Variants in DMD observed in about 807,000 individuals in gnomAD.
DMD encodes dystrophin, also known as mutant dystrophin.
Under a neutral mutation model 330.1 loss-of-function variants are expected in DMD, and 63 were observed. The ratio of observed to expected loss-of-function variants is 0.19; its 90% CI spans 0.16 to 0.24. The LOEUF (loss-of-function observed/expected upper bound fraction) is 0.24, where lower values mean the gene tolerates loss of function less well. Among genes scored for constraint, DMD ranks in the 10% least tolerant of loss-of-function variants. The pLI is 1.00. For missense variants in DMD, 3,344 were observed against 2,684.1 expected (o/e 1.25, Z -5.43); for synonymous variants, 1,223 against 959.8 (o/e 1.27, Z -5.07).
At chrX:32,960,292 G>C (rs2091830774) in intron 2 of DMD, 1 of 110,756 alleles carries the variant, frequency 9.0e-6, no homozygotes, top group African/African-American at 3.3e-5. Flanking sequence ...CCAAACTTTA[G>C]CTAGGCTCCT....
intron 44 of DMD, among the ~76,000 whole-genome samples, chrX:32,064,675 G>T (rs754072444): frequency 9.0e-6 from 1 of 110,728 alleles, no homozygotes; most frequent in Non-Finnish European, 1.9e-5. Flanking sequence ...GTGTCTGTCT[G>T]TATGCATGCA....
chrX:32,484,879 T>G (rs2042259535), intron 21 of DMD, 40 bp downstream of exon 21: 1 of 1,180,704 alleles, frequency 8.5e-7, no homozygotes, highest in African/African-American at 1.8e-5. Flanking sequence ...ATAACCATTT[T>G]GGAAAATGTC....
chrX:33,008,639 G>A (rs17341184), intron 2 of DMD, among the ~76,000 whole-genome samples: 40,982 of 107,595 alleles, frequency 0.38, 6,228 homozygotes, highest in East Asian at 0.48. Context: ...ATGCCACAAC[G>A]AACTGTTTTT....
At chrX:32,515,645 G>T (rs1038054886) in intron 18 of DMD, among the ~76,000 whole-genome samples, 3 of 112,004 alleles carry the variant, frequency 2.7e-5, no homozygotes, top group Non-Finnish European at 5.6e-5. Context: ...AGTCTGAACT[G>T]CAGTGATACT....
chrX:32,455,827 G>C (rs980482294), intron 25 of DMD, among the ~76,000 whole-genome samples: 1 of 111,244 alleles, frequency 9.0e-6, no homozygotes, highest in Non-Finnish European at 1.9e-5. Flanking sequence ...AAAAGAGTCT[G>C]TCTGTGGTTA....
intron 1 of DMD, among the ~76,000 whole-genome samples, chrX:33,115,980 G>T (rs948619008): frequency 1.6e-4 from 18 of 109,381 alleles, no homozygotes; most frequent in Non-Finnish European, 3.4e-4. Flanking sequence ...GATCACCTGA[G>T]GTCAGCAGTT....
chrX:32,597,447 T>G (rs2055686736), intron 12 of DMD, among the ~76,000 whole-genome samples: 1 of 110,915 alleles, frequency 9.0e-6, no homozygotes, highest in African/African-American at 3.3e-5. Flanking sequence ...CACAGATGAG[T>G]TTGTTCCTTC....
At chrX:32,164,740 C>T (rs2096861722) in intron 44 of DMD, among the ~76,000 whole-genome samples, 1 of 111,010 alleles carries the variant, frequency 9.0e-6, no homozygotes, top group African/African-American at 3.3e-5. Flanking sequence ...CATTGCGGCT[C>T]CTCCCATCAC....
At position 32,172,230 on chromosome X, in the gene DMD, C is replaced by T. The variant is rs187122843; in HGVS notation, c.6438+44686G>A. On this transcript the variant is annotated intron_variant, in intron 44 of 78. Coordinates refer to ENST00000357033, the MANE Select transcript of DMD (RefSeq NM_004006.3). Reference sequence around the variant, plus strand: ...CTTTGTTCATTCTAAACTTAATAATCCTTTACTAATTCAGCAAAGTCTTAT... The same window carrying T: ...CTTTGTTCATTCTAAACTTAATAATTCTTTACTAATTCAGCAAAGTCTTAT... Among the ~76,000 whole-genome samples the T allele has an allele frequency of 2.3e-3, 256 of 111,561 alleles. 1 individual carries two copies. The highest frequency in any genetic ancestry group is 4.3e-3 in the Non-Finnish European group (230 of 53,077).
chrX:32,928,031 T>C (rs1381865085), intron 2 of DMD, among the ~76,000 whole-genome samples: 2 of 111,161 alleles, frequency 1.8e-5, no homozygotes, highest in African/African-American at 6.5e-5. Flanking sequence ...ATCAATTGTA[T>C]GCATGATTTT....
At chrX:32,584,684 T>A (rs949527531) in intron 13 of DMD, among the ~76,000 whole-genome samples, 4 of 112,119 alleles carry the variant, frequency 3.6e-5, no homozygotes, top group African/African-American at 1.3e-4. Context: ...ATATAAAAGT[T>A]TCATTTACAT....
Position 32,573,626 on chromosome X carries a change from A to T in DMD, c.1716T>A (p.Ser572Arg), listed in dbSNP as rs1259478321. 6 of 1,208,002 alleles carry T rather than the reference A, an allele frequency of 5.0e-6. No homozygotes were observed. Among genetic ancestry groups the T allele is most frequent in the South Asian group, 3.5e-5 (2 of 56,814 alleles). The stretch of plus-strand genomic sequence containing the variant: ...CATCTTCTTTTTCTGAAAGCCATGC[A>T]CTAAAAAGGCACTGCAAGACATTAA... ...QRLTEEQCLFSAWLSEKEDAV... is the reference protein window; with the variant it reads ...QRLTEEQCLFRAWLSEKEDAV... The change falls in exon 15 of 79, where the codon AGT becomes AGA. Residue 572 changes from serine (S) to arginine (R), a missense_variant. Physicochemically the swap from Ser to Arg is moderately radical, Grantham distance 110. Coordinates refer to ENST00000357033, the MANE Select transcript of DMD (RefSeq NM_004006.3).
chrX:31,569,652 A>ATATATACGCATATACGTATATATACG (rs2075692763), intron 55 of DMD, among the ~76,000 whole-genome samples: 100 of 93,195 alleles, frequency 1.1e-3, no homozygotes, highest in African/African-American at 3.8e-3. Context: ...GTATATACGT[A>ATATATACGCATATACGTATATATACG]TATATACGTA....
At chrX:32,292,299 A>ATTTTTTTTTTTTTTTTTTTTT (rs1355530949) in intron 42 of DMD, among the ~76,000 whole-genome samples, 48 of 30,801 alleles carry the variant, frequency 1.6e-3, no homozygotes, top group Admixed American at 3.8e-3. Flanking sequence ...CAAAGGGAAT[A>ATTTTTTTTTTTTTTTTTTTTT]TTCTTTTTTT....
chrX:33,237,971 G>A (rs1010506389), intron 1 of DMD, among the ~76,000 whole-genome samples: 9 of 112,113 alleles, frequency 8.0e-5, no homozygotes, highest in African/African-American at 2.9e-4. Flanking sequence ...GGGATTCATA[G>A]CTTTTGAATT....
At chrX:32,902,110 A>T (rs763267553) in intron 2 of DMD, among the ~76,000 whole-genome samples, 2 of 107,894 alleles carry the variant, frequency 1.9e-5, no homozygotes, top group East Asian at 2.9e-4. Flanking sequence ...CAAAATAAAG[A>T]ACCATAGCCA....
chrX:32,562,739 A>G (rs1411975217), intron 16 of DMD, among the ~76,000 whole-genome samples: 1 of 112,015 alleles, frequency 8.9e-6, no homozygotes, highest in East Asian at 2.8e-4. Context: ...TCAATTTAAC[A>G]TGGATAAAAG....
chrX:31,236,529 A>C (rs2047732508), intron 63 of DMD, among the ~76,000 whole-genome samples: 1 of 112,381 alleles, frequency 8.9e-6, no homozygotes, highest in Non-Finnish European at 1.9e-5. Context: ...TTGACAGCTA[A>C]TTTAACGTTT....
rs2049899171 is a variant in DMD, at chrX:33,179,947, C to G, written c.31+31335G>C. Among the ~76,000 whole-genome samples the G allele has an allele frequency of 2.8e-5, 3 of 108,786 alleles. No homozygotes were observed. The South Asian group carries it at 1.2e-3, about 45-fold the overall frequency. 94.5% of individuals were successfully genotyped at this position (108,786 alleles called of 115,157 possible). On this transcript the variant is annotated intron_variant, in intron 1 of 78. Transcript: ENST00000357033. ...CGTCTCCAGGGTTCAAGCAATTCTC[C>G]TGCCTCAGCTTCCTGAGTAGCTGGG...
Sources: allele counts gnomAD v4.1 joint callset (sites outside exome capture counted in the v4.1 genomes callset), GRCh38; gene constraint gnomAD v4.1.1; transcripts MANE v1.5; gene names NCBI Gene and HGNC (gene_info 2026-07-23, HGNC 2026-07-21).